The following KIF17 variants were observed in gnomAD, a reference collection of about 807,000 sequenced individuals.
The protein encoded by KIF17 is kinesin family member 17.
Under a neutral mutation model 96.8 loss-of-function variants are expected in KIF17, and 80 were observed. The ratio of observed to expected loss-of-function variants is 0.83; its 90% confidence interval spans 0.69 to 1.00. KIF17 has a LOEUF of 1.00. Ranked by LOEUF, KIF17 falls within the 50% of genes least tolerant of loss-of-function variation. The probability of loss-of-function intolerance (pLI) is 0.00; values close to 1 mark genes in which losing one functional copy is unlikely to be tolerated. For missense variants in KIF17, 1,280 were observed against 1,372.9 expected (o/e 0.93, Z 1.07); for synonymous variants, 567 against 587.5 (o/e 0.97, Z 0.51).
rs1251587075 is a variant in KIF17, at chr1:20,704,115, C to T, written c.1123+332G>A. Among the ~76,000 whole-genome samples the T allele has an allele frequency of 2.2e-5, 3 of 135,322 alleles. No individual in the cohort carries two copies. The highest frequency in any genetic ancestry group is 3.0e-5 in the Non-Finnish European group (2 of 66,488). 88.8% of individuals were successfully genotyped at this position (135,322 alleles called of 152,430 possible). On this transcript the variant is annotated intron_variant, in intron 5 of 14. Coordinates refer to ENST00000400463, the MANE Select transcript of KIF17 (RefSeq NM_001122819.3). The surrounding 1 kb of genome is among the most constrained non-coding windows in gnomAD (Gnocchi z 6.8). ...GCTGCTGAGCAGCGAACACGCATTG[C>T]GACAATGCCACAGACAGCAGCAGAC...
intron 13 of KIF17, among the ~76,000 whole-genome samples, chr1:20,670,001 A>G (rs1489994024): frequency 6.6e-6 from 1 of 151,510 alleles, no homozygotes; most frequent in East Asian, 1.9e-4. Context: ...AAGAAAAAAA[A>G]AAAAAAAGAC....
chr1:20,715,601 G>T lies in KIF17; in HGVS notation c.270C>A (p.Tyr90Ter), dbSNP rs12046928. 50 of 1,613,670 alleles carry T rather than the reference G, an allele frequency of 3.1e-5. No homozygotes were observed. The highest frequency in any genetic ancestry group is 1.6e-4 in the Middle Eastern group (1 of 6,084). Residue 90 changes from tyrosine to a stop codon, truncating the protein, a stop_gained, in exon 2 of 15, where the codon TAC becomes TAA. Transcript: ENST00000400463. LOFTEE classifies it high-confidence loss of function. Reference protein sequence around the residue: ...TEGYNGTIFAYGQTGSGKSFT... With the variant: ...TEGYNGTIFA Reference sequence around the variant, plus strand: ...AGGACTTCCCGCTGCCTGTCTGGCCGTAGGCAAAGATGGTGCCATTGTAGC... The same window carrying T: ...AGGACTTCCCGCTGCCTGTCTGGCCTTAGGCAAAGATGGTGCCATTGTAGC...
In KIF17 at chr1:20,699,245, G is replaced by A. The variant is rs1747878; in HGVS notation, c.1124-757C>T. On this transcript the variant is annotated intron_variant, in intron 5 of 14. Coordinates refer to ENST00000400463, the MANE Select transcript of KIF17 (RefSeq NM_001122819.3). The surrounding 1 kb of genome is among the most constrained non-coding windows in gnomAD (Gnocchi z 4.3). ...ATTACAGGGGTGAGCTGCCTTGCCC[G>A]GCCCAAGTTGCCATTTAAATAGTGT... Among the ~76,000 whole-genome samples, 4,535 of 152,174 alleles carry A rather than the reference G, an allele frequency of 0.03. 245 individuals carry two copies. The highest frequency in any genetic ancestry group is 0.1 in the African/African-American group (4,248 of 41,508).
At chr1:20,710,477 A>T (rs925248682) in intron 3 of KIF17, among the ~76,000 whole-genome samples, 1 of 151,958 alleles carries the variant, frequency 6.6e-6, no homozygotes, top group African/African-American at 2.4e-5. Context: ...AATTTATCTG[A>T]TGGCTCCCTG....
chr1:20,672,193 G>T lies in KIF17; in HGVS notation c.2467C>A (p.Arg823=). The T allele has an allele frequency of 6.2e-7, 1 of 1,614,002 alleles. No individual in the cohort carries two copies. Among genetic ancestry groups the T allele is most frequent in the South Asian group, 1.1e-5 (1 of 91,074 alleles). ...TCTTTGATCTCCACCTCTGCTGCCC[G>T]AAGCTGAAAGCAAAGGATGACAAGC... ...KLLEKMQRKL[R]AAEVEIKDLQ... Residue 823 remains arginine (R), a synonymous_variant, in exon 12 of 15, where the codon CGG becomes AGG. Transcript: ENST00000400463. The surrounding 1 kb of genome is among the most constrained non-coding windows in gnomAD (Gnocchi z 4.3).
rs2054394915 is a variant in KIF17 at position 20,709,285 on chromosome 1, G to A, written c.670+354C>T. Among the ~76,000 whole-genome samples the A allele has an allele frequency of 6.6e-6, 1 of 152,190 alleles. No individual in the cohort carries two copies. Among genetic ancestry groups the A allele is most frequent in the African/African-American group, 2.4e-5 (1 of 41,448 alleles). ...AGTCCCAGCTGCTCAGGAGGCTGAG[G>A]TGGGAGGCTCGCCCGAGCCTGGGAG... On this transcript the variant is annotated intron_variant, in intron 4 of 14. Coordinates refer to ENST00000400463, the MANE Select transcript of KIF17 (RefSeq NM_001122819.3). The surrounding 1 kb of genome is among the most constrained non-coding windows in gnomAD (Gnocchi z 4.7).
chr1:20,664,541 G>A lies in KIF17; in HGVS notation c.*43C>T, dbSNP rs775886297. ...GGGGCTGCCCTGGGAGGGCCTGGCA[G>A]TCTCTACATGCCTATAAGGCAGGCA... On this transcript the variant is annotated 3_prime_UTR_variant, in exon 15 of 15. Coordinates refer to ENST00000400463, the MANE Select transcript of KIF17 (RefSeq NM_001122819.3). The A allele has an allele frequency of 6.2e-7, 1 of 1,613,510 alleles. No individual in the cohort carries two copies. The highest frequency in any genetic ancestry group is 8.5e-7 in the Non-Finnish European group (1 of 1,180,002).
rs138368935 is a variant in KIF17 at position 20,704,072 on chromosome 1, G to A, written c.1123+375C>T. Among the ~76,000 whole-genome samples the A allele has an allele frequency of 7.5e-4, 114 of 152,146 alleles. No individual in the cohort carries two copies. Among genetic ancestry groups the A allele is most frequent in the African/African-American group, 2.3e-3 (97 of 41,502 alleles). ...GTGCCTGCGAGGAGCAGGTGTGGCC[G>A]TGGGGAGTGAGTTGCCAGCTGCTGA... On this transcript the variant is annotated intron_variant, in intron 5 of 14. Transcript: ENST00000400463. This position sits in a 1 kb window ranked among gnomAD's most constrained non-coding sequence, Gnocchi z 6.8.
chr1:20,707,818 TG>T (rs2054369695), intron 4 of KIF17, among the ~76,000 whole-genome samples: 1 of 146,884 alleles, frequency 6.8e-6, no homozygotes, highest in South Asian at 2.1e-4. Context: ...TGTGTGTGTG[TG>T]TGTGTGTGTG....
intron 14 of KIF17, among the ~76,000 whole-genome samples, chr1:20,665,272 G>C (rs1169671103): frequency 3.8e-5 from 5 of 130,882 alleles, no homozygotes. Flanking sequence ...CTGTCACCCA[G>C]GCTGGAGTGC....
chr1:20,686,981 T>A (rs990657074), intron 8 of KIF17, among the ~76,000 whole-genome samples: 3 of 151,974 alleles, frequency 2.0e-5, no homozygotes, highest in African/African-American at 7.3e-5. Flanking sequence ...GGTGGCTGGA[T>A]TCCCACAGAC....
At chr1:20,715,119 G>A (rs928403404) in intron 2 of KIF17, among the ~76,000 whole-genome samples, 3 of 152,180 alleles carry the variant, frequency 2.0e-5, no homozygotes, top group African/African-American at 4.8e-5. Context: ...GCTACCTCCT[G>A]GGTCAGGCTG....
In KIF17 at chr1:20,686,098, G is replaced by A. The variant is rs868019414; in HGVS notation, c.1967C>T (p.Pro656Leu). Residue 656 changes from proline (P) to leucine (L), a missense_variant, in exon 9 of 15, where the codon CCC (proline) becomes CTC (leucine). Coordinates refer to ENST00000400463, the MANE Select transcript of KIF17 (RefSeq NM_001122819.3). ...QVPAPTDLLE[P>L]SDARPEAEAA... The stretch of plus-strand genomic sequence containing the variant: ...CTCGGCTTCGGGCCTGGCATCACTG[G>A]GCTCCAGCAGGTCTGTCGGCGCAGG... 3.8e-6 allele frequency: 6 copies of A among 1,567,672 alleles called. No homozygotes were observed. Among genetic ancestry groups the A allele is most frequent in the Non-Finnish European group, 5.2e-6 (6 of 1,155,990 alleles).
intron 11 of KIF17, 34 bp downstream of exon 11, chr1:20,682,619 C>A (rs1290966040): frequency 1.3e-6 from 2 of 1,592,708 alleles, no homozygotes. Flanking sequence ...CATCTCTGGG[C>A]AGCTGGGCAT....
intron 11 of KIF17, among the ~76,000 whole-genome samples, chr1:20,676,864 C>G (rs1292982413): frequency 6.6e-6 from 1 of 151,942 alleles, no homozygotes; most frequent in Non-Finnish European, 1.5e-5. Flanking sequence ...ACAACAACAA[C>G]AACAAAAAAC....
chr1:20,702,310 C>T (rs1466456724), intron 5 of KIF17, among the ~76,000 whole-genome samples: 1 of 151,962 alleles, frequency 6.6e-6, no homozygotes, highest in Admixed American at 6.5e-5. Context: ...GCTCCTTGCT[C>T]CTAATCCAGG....
At chr1:20,713,323 A>G in intron 3 of KIF17, 131 bp downstream of exon 3, 1 of 656,150 alleles carries the variant, frequency 1.5e-6, no homozygotes, top group Non-Finnish European at 2.6e-6. Flanking sequence ...TTAAAAAAAA[A>G]AAAAAAAGTC....
intron 3 of KIF17, among the ~76,000 whole-genome samples, chr1:20,712,842 A>ATATTATC (rs1557607003): frequency 1.6e-4 from 2 of 12,500 alleles, no homozygotes; most frequent in African/African-American, 4.2e-4. Flanking sequence ...TATATTATAG[A>ATATTATC]TATAGATAAT....
Position 20,709,775 on chromosome 1 carries a change from C to T in KIF17, c.534G>A (p.Thr178=), listed in dbSNP as rs199634814. 8 of 1,614,072 alleles carry T rather than the reference C, an allele frequency of 5.0e-6. No individual in the cohort carries two copies. Among genetic ancestry groups the T allele is most frequent in the South Asian group, 2.2e-5 (2 of 91,082 alleles). The part of the protein sequence containing the change: ...GVYVKGLSMH[T]VHSVAQCEHI... ...GCTCACACTGGGCCACGCTGTGCAC[C>T]GTGTGCATGGACAGCCCCTTCACGT... Residue 178 remains threonine, a synonymous_variant, in exon 4 of 15, where the codon ACG becomes ACA. Coordinates refer to ENST00000400463, the MANE Select transcript of KIF17 (RefSeq NM_001122819.3). The surrounding 1 kb of genome is among the most constrained non-coding windows in gnomAD (Gnocchi z 4.7).
Sources: gnomAD v4.1 joint callset for allele counts (sites outside exome capture counted in the v4.1 genomes callset) on GRCh38, gnomAD v4.1.1 for gene constraint, Gnocchi (gnomAD v3.1) non-coding constraint, MANE v1.5 for transcripts, NCBI Gene and HGNC (gene_info 2026-07-23, HGNC 2026-07-21) for gene names.